The following ASAP1 variants were observed in gnomAD, a reference collection of about 807,000 sequenced individuals.
ASAP1 encodes the protein arf-GAP with SH3 domain, ANK repeat and PH domain-containing protein 1.
A neutral mutation model predicts 145.2 loss-of-function variants in ASAP1; 43 were observed. That is an observed-to-expected ratio of 0.30 (90% CI 0.23 to 0.38). The LOEUF is 0.38. Ranked by LOEUF, ASAP1 falls within the 10% of genes least tolerant of loss-of-function variation. The probability of loss-of-function intolerance (pLI) is 1.00; values close to 1 mark genes in which losing one functional copy is unlikely to be tolerated. For missense variants in ASAP1, 1,018 were observed against 1,355.3 expected, an observed-to-expected ratio of 0.75 and a Z score of 3.91; for synonymous variants, 546 against 515.5, an observed-to-expected ratio of 1.06 and a Z score of -0.80.
chr8:130,143,902 C>T (rs1302893714), intron 13 of ASAP1, among the ~76,000 whole-genome samples: 1 of 152,178 alleles, frequency 6.6e-6, no homozygotes, highest in Non-Finnish European at 1.5e-5. Context: ...ATTATTTCCT[C>T]CCATCATCTT....
chr8:130,218,635 G>C (rs1249079281), intron 4 of ASAP1, among the ~76,000 whole-genome samples: 1 of 152,164 alleles, frequency 6.6e-6, no homozygotes, highest in Non-Finnish European at 1.5e-5. Flanking sequence ...GGTGTTGGGA[G>C]AAGCTCAGAA....
At chr8:130,320,096 TACA>T (rs1309170994) in intron 3 of ASAP1, among the ~76,000 whole-genome samples, 1 of 152,250 alleles carries the variant, frequency 6.6e-6, no homozygotes, top group Non-Finnish European at 1.5e-5. Flanking sequence ...AGAAATTACT[TACA>T]ATGTTCTTTA....
intron 3 of ASAP1, among the ~76,000 whole-genome samples, chr8:130,313,051 T>C (rs1823455028): frequency 6.6e-6 from 1 of 152,224 alleles, no homozygotes; most frequent in South Asian, 2.1e-4. Flanking sequence ...AAGTGAACTG[T>C]TGGGTTTTTA....
intron 24 of ASAP1, 131 bp from the exon 25 acceptor site, chr8:130,092,274 T>A: frequency 1.0e-6 from 1 of 952,876 alleles, no homozygotes; most frequent in Non-Finnish European, 1.5e-6. Flanking sequence ...AGGCTGGATA[T>A]GGCTAACTCC....
At position 130,145,654 on chromosome 8, in the gene ASAP1, T is replaced by A. The variant is rs936111245; in HGVS notation, c.1080+7082A>T. ...TCATTATGTTGATGAGAACACAGCA[T>A]TTACTCATGCTGGGCTCCATGCCAT... On this transcript the variant is annotated intron_variant, in intron 13 of 29. Transcript: ENST00000518721. Among the ~76,000 whole-genome samples the A allele has an allele frequency of 3.3e-5, 5 of 152,176 alleles. No homozygotes were observed. The South Asian group carries it at 1.0e-3, about 31-fold the overall frequency.
In ASAP1 at chr8:130,244,637, C is replaced by T. The variant is rs116778205; in HGVS notation, c.187-7643G>A. On this transcript the variant is annotated intron_variant, in intron 3 of 29. Coordinates refer to ENST00000518721, the MANE Select transcript of ASAP1 (RefSeq NM_018482.4). The stretch of plus-strand genomic sequence containing the variant: ...GGGTTAGGCTATAAAGATACAGAAG[C>T]GAGTGAAACATAGCCTGTCTGTATG... Among the ~76,000 whole-genome samples the T allele has an allele frequency of 4.7e-3, 720 of 152,222 alleles. 11 individuals are homozygous for T. The highest frequency in any genetic ancestry group is 0.017 in the African/African-American group (695 of 41,554).
chr8:130,378,726 T>C (rs1477343020), intron 2 of ASAP1, among the ~76,000 whole-genome samples: 1 of 152,216 alleles, frequency 6.6e-6, no homozygotes, highest in Non-Finnish European at 1.5e-5. Flanking sequence ...ATGTTGGGCC[T>C]GCCCTGGGCA....
In ASAP1 at chr8:130,173,037, C is replaced by T. The variant is rs1001490635; in HGVS notation, c.747-3970G>A. On this transcript the variant is annotated intron_variant, in intron 9 of 29. Transcript: ENST00000518721. The stretch of plus-strand genomic sequence containing the variant: ...GAGATTACAGGGTTTTTTCATTCTT[C>T]CTTAACTTCAGTTTCTAATTTTTTT... Among the ~76,000 whole-genome samples, 6 of 152,138 alleles carry T rather than the reference C, an allele frequency of 3.9e-5. No individual in the cohort carries two copies. The East Asian group carries it at 1.2e-3, about 29-fold the overall frequency.
intron 3 of ASAP1, among the ~76,000 whole-genome samples, chr8:130,320,469 G>A (rs1353779704): frequency 6.6e-6 from 1 of 151,994 alleles, no homozygotes; most frequent in African/African-American, 2.4e-5. Context: ...GTGAGAGGAT[G>A]GCTTGAGCCC....
intron 5 of ASAP1, among the ~76,000 whole-genome samples, chr8:130,208,150 C>A (rs1195098560): frequency 2.6e-5 from 4 of 152,056 alleles, no homozygotes; most frequent in Non-Finnish European, 4.4e-5. Flanking sequence ...TCCCTTGTAC[C>A]CATCAACCAG....
At chr8:130,303,065 A>G (rs1472795194) in intron 3 of ASAP1, among the ~76,000 whole-genome samples, 1 of 152,254 alleles carries the variant, frequency 6.6e-6, no homozygotes, top group Non-Finnish European at 1.5e-5. Context: ...CAGAAGGGAA[A>G]ACCACAAACA....
chr8:130,336,337 C>A (rs1006278626), intron 3 of ASAP1, among the ~76,000 whole-genome samples: 4 of 152,152 alleles, frequency 2.6e-5, no homozygotes, highest in Admixed American at 6.5e-5. Flanking sequence ...GGTCAGTGAA[C>A]CAGCAGCAGT....
chr8:130,351,686 C>G (rs1207129306), intron 3 of ASAP1, among the ~76,000 whole-genome samples: 1 of 152,124 alleles, frequency 6.6e-6, no homozygotes, highest in Non-Finnish European at 1.5e-5. Flanking sequence ...AACACTGGAT[C>G]TCAAGAGAAC....
intron 4 of ASAP1, among the ~76,000 whole-genome samples, chr8:130,219,218 T>TATTATAAAGTTAGCAAAGTCAATACTAGA: frequency 6.6e-6 from 1 of 150,688 alleles, no homozygotes; most frequent in South Asian, 2.1e-4. Flanking sequence ...TAACATACTG[T>TATTATAAAGTTAGCAAAGTCAATACTAGA]ATTATAAAGT....
At chr8:130,389,825 C>T (rs1828191076) in intron 2 of ASAP1, among the ~76,000 whole-genome samples, 1 of 152,186 alleles carries the variant, frequency 6.6e-6, no homozygotes, top group South Asian at 2.1e-4. Context: ...CTCAGCCTCC[C>T]AACTACCTGG....
intron 1 of ASAP1, among the ~76,000 whole-genome samples, chr8:130,412,425 C>T (rs1442105062): frequency 6.6e-6 from 1 of 151,882 alleles, no homozygotes; most frequent in East Asian, 1.9e-4. Context: ...CTGCTTGGGC[C>T]ATGTGACGTG....
At chr8:130,209,516 A>C (rs1037487841) in intron 5 of ASAP1, among the ~76,000 whole-genome samples, 14 of 151,930 alleles carry the variant, frequency 9.2e-5, no homozygotes, top group Non-Finnish European at 1.3e-4. Flanking sequence ...TACAAACTAA[A>C]GTTACTGTAT....
intron 3 of ASAP1, among the ~76,000 whole-genome samples, chr8:130,312,893 C>T (rs999702932): frequency 6.6e-6 from 1 of 152,090 alleles, no homozygotes; most frequent in African/African-American, 2.4e-5. Flanking sequence ...GGAATAAGCA[C>T]GTGAGAAAGA....
intron 27 of ASAP1, among the ~76,000 whole-genome samples, chr8:130,070,007 T>C (rs547068986): frequency 6.6e-5 from 10 of 152,320 alleles, no homozygotes; most frequent in South Asian, 4.1e-4. Context: ...GTTGGTATAT[T>C]TGAACACACT....
Sources: gnomAD v4.1 joint callset for allele counts (sites outside exome capture counted in the v4.1 genomes callset) on GRCh38, gnomAD v4.1.1 for gene constraint, MANE v1.5 for transcripts, NCBI Gene and HGNC (gene_info 2026-07-23, HGNC 2026-07-21) for gene names.